Variants in AHNAK observed in about 807,000 individuals in gnomAD.
The protein encoded by AHNAK is neuroblast differentiation-associated protein AHNAK.
In AHNAK, 23 loss-of-function variants were observed where a neutral mutation model predicts 37.8. That is an observed-to-expected ratio of 0.61 (90% confidence interval 0.44 to 0.86). The LOEUF (loss-of-function observed/expected upper bound fraction) is 0.86. Among genes scored for constraint, AHNAK ranks in the 40% least tolerant of loss-of-function variants. The pLI is 0.00. For synonymous variants in AHNAK, 2,481 were observed against 2,636.3 expected, an observed-to-expected ratio of 0.94 and a Z score of 1.80; for missense variants, 7,411 against 7,319.4, an observed-to-expected ratio of 1.01 and a Z score of -0.46.
At position 62,523,408 on chromosome 11, in the gene AHNAK, T is replaced by G. The variant is rs968285653; in HGVS notation, c.11009A>C (p.Lys3670Thr). 1.2e-6 allele frequency: 2 copies of G among 1,613,086 alleles called. No individual in the cohort carries two copies. The highest frequency in any genetic ancestry group is 2.7e-5 in the African/African-American group (2 of 74,840). ...KMPEMNIKAP[K>T]ISMPDFDLNL... is the part of the protein sequence containing the mutation. ...CAGGTCAAAGTCAGGCATGGAGATC[T>G]TGGGGGCTTTGATGTTCATCTCAGG... Residue 3670 changes from lysine (K) to threonine (T), a missense_variant, in exon 5 of 5, where the codon AAG becomes ACG. Lys to Thr is a moderately conservative substitution (Grantham distance 78, BLOSUM62 -1). Coordinates refer to ENST00000378024, the MANE Select transcript of AHNAK (RefSeq NM_001620.3).
chr11:62,521,678 T>C lies in AHNAK; in HGVS notation c.12739A>G (p.Met4247Val), dbSNP rs1940249308. The change falls in exon 5 of 5, where the codon ATG becomes GTG. Residue 4247 changes from methionine to valine, a missense_variant. Transcript: ENST00000378024. The part of the protein sequence containing the change: ...DAKLKGPKFK[M>V]PEMNIKAPKI... ...GGGGCTTTGATGTTCATCTCAGGCA[T>C]CTTGAATTTAGGGCCCTTTAGTTTC... 2 of 1,613,904 alleles carry C rather than the reference T, an allele frequency of 1.2e-6. No homozygotes were observed. Among genetic ancestry groups the C allele is most frequent in the South Asian group, 1.1e-5 (1 of 91,074 alleles).
At chr11:62,512,262 T>A (rs1366725842), downstream of AHNAK, among the ~76,000 whole-genome samples, 1 of 152,198 alleles carries the variant, frequency 6.6e-6, no homozygotes, top group Non-Finnish European at 1.5e-5. The surrounding 1 kb of genome is among the most constrained non-coding windows in gnomAD (Gnocchi z 4.0). Context: ...TCCCGTGCCC[T>A]CCAGTGGAGA....
Position 62,519,468 on chromosome 11 carries a change from C to T in AHNAK, c.14949G>A (p.Gly4983=). The change falls in exon 5 of 5, where the codon GGG becomes GGA. Residue 4983 remains glycine (G), a synonymous_variant. Transcript: ENST00000378024. The part of the protein sequence containing the change: ...PKFKKPKFGF[G]AKSPKADIKS... ...TGATGTCAGCTTTGGGGCTTTTTGC[C>T]CCAAATCCAAACTTGGGTTTCTTAA... 6.2e-7 allele frequency: 1 copy of T among 1,612,580 alleles called. No homozygotes were observed. The highest frequency in any genetic ancestry group is 8.5e-7 in the Non-Finnish European group (1 of 1,179,586).
chr11:62,535,608 A>G (rs559524454), intron 3 of AHNAK, among the ~76,000 whole-genome samples: 1 of 151,574 alleles, frequency 6.6e-6, no homozygotes, highest in East Asian at 1.9e-4. Flanking sequence ...AGATAGCGCC[A>G]TTGCACTCCA....
intron 5 of AHNAK, among the ~76,000 whole-genome samples, chr11:62,435,413 T>C (rs1938140473): frequency 7.4e-6 from 1 of 135,436 alleles, no homozygotes; most frequent in African/African-American, 2.4e-5. Flanking sequence ...TATTTATTTA[T>C]CTTTTTTTTT....
chr11:62,459,403 T>C (rs1198726758), intron 5 of AHNAK, among the ~76,000 whole-genome samples: 2 of 152,124 alleles, frequency 1.3e-5, no homozygotes, highest in Admixed American at 6.6e-5. Context: ...CAGAGGGTCA[T>C]CCCTGGGGAC....
chr11:62,495,764 A>G (rs902415934), intron 4 of AHNAK, among the ~76,000 whole-genome samples: 1 of 150,838 alleles, frequency 6.6e-6, no homozygotes, highest in Non-Finnish European at 1.5e-5. Flanking sequence ...AATAGCAGTA[A>G]TATGCCAGGC....
At chr11:62,488,402 CTTT>C (rs11310515) in intron 5 of AHNAK, among the ~76,000 whole-genome samples, 1 of 143,900 alleles carries the variant, frequency 6.9e-6, no homozygotes. Context: ...ATCTGTCTAG[CTTT>C]TTTTTTTTTT....
rs146637325 is a variant in AHNAK at position 62,522,760 on chromosome 11, T to C, written c.11657A>G (p.Lys3886Arg). Residue 3886 changes from lysine (K) to arginine (R), a missense_variant, in exon 5 of 5, where the codon AAA becomes AGA. Coordinates refer to ENST00000378024, the MANE Select transcript of AHNAK (RefSeq NM_001620.3). The stretch of plus-strand genomic sequence containing the variant: ...AGACACATCCATATCACCCTTCACT[T>C]TGGGTCCTTTCAGGTTAAGATCAAT... ...PDIDLNLKGP[K>R]VKGDMDVSLP... The C allele has an allele frequency of 5.2e-5, 84 of 1,613,588 alleles. No homozygotes were observed. Among genetic ancestry groups the C allele is most frequent in the Non-Finnish European group, 6.9e-5 (82 of 1,179,906 alleles).
Position 62,533,513 on chromosome 11 carries a change from C to T in AHNAK, c.904G>A (p.Gly302Ser), listed in dbSNP as rs776433394. 1 of 1,614,152 alleles carries T rather than the reference C, an allele frequency of 6.2e-7. No individual in the cohort carries two copies. Among genetic ancestry groups the T allele is most frequent in the East Asian group, 2.2e-5 (1 of 44,880 alleles). The stretch of plus-strand genomic sequence containing the variant: ...TTCATGGTGGGAAATTTAATTTTGC[C>T]ATGATCACCACTCTCCAGAGATGGG... ...QGPSLESGDH[G>S]KIKFPTMKVP... Residue 302 changes from glycine to serine, a missense_variant, in exon 5 of 5, where the codon GGC (glycine) becomes AGC (serine). By Grantham distance (56) the Gly-to-Ser change is moderately conservative (BLOSUM62 0). Coordinates refer to ENST00000378024, the MANE Select transcript of AHNAK (RefSeq NM_001620.3).
intron 4 of AHNAK, chr11:62,491,950 C>T (rs1678754214): frequency 3.6e-6 from 3 of 844,882 alleles, no homozygotes; most frequent in South Asian, 3.4e-5. Flanking sequence ...CCACTACCAC[C>T]CCCCAACACA....
rs375729380 is a variant in AHNAK at position 62,517,284 on chromosome 11, C to A, written c.17133G>T (p.Lys5711Asn). ...EESEVKLKKS[K>N]IKMPKFNFSK... ...AAAAATTAAACTTGGGCATTTTGAT[C>A]TTGGACTTTTTCAGTTTGACTTCAG... Residue 5711 changes from lysine to asparagine, a missense_variant, in exon 5 of 5, where the codon AAG (lysine) becomes AAT (asparagine). Lys to Asn is a moderately conservative substitution (Grantham distance 94). Coordinates refer to ENST00000378024, the MANE Select transcript of AHNAK (RefSeq NM_001620.3). The A allele has an allele frequency of 1.8e-5, 29 of 1,614,078 alleles. No individual in the cohort carries two copies. In the African/African-American group the frequency reaches 3.5e-4, roughly 19 times the overall value.
At position 62,485,086 on chromosome 11, in the gene AHNAK, G is replaced by A. The variant is rs1012989747; in HGVS notation, c.442+6646C>T. Among the ~76,000 whole-genome samples the A allele has an allele frequency of 2.0e-5, 3 of 152,152 alleles. No homozygotes were observed. In the South Asian group the frequency reaches 6.2e-4, roughly 32 times the overall value. On this transcript the variant is annotated intron_variant, in intron 5 of 5. Transcript: ENST00000257247. ...TTACAGGCGTGAGCCACCGTGCCTGGCCTTTGACTTAGGTTTCAAAAAGAT... is the reference window on the plus strand; with the variant it reads ...TTACAGGCGTGAGCCACCGTGCCTGACCTTTGACTTAGGTTTCAAAAAGAT...
intron 4 of AHNAK, among the ~76,000 whole-genome samples, chr11:62,503,372 G>A (rs1939749313): frequency 6.6e-6 from 1 of 152,046 alleles, no homozygotes; most frequent in South Asian, 2.1e-4. Context: ...GGGGATCCTG[G>A]GTAAGGAGTT....
Position 62,527,859 on chromosome 11 carries a change from C to T in AHNAK, c.6558G>A (p.Met2186Ile), listed in dbSNP as rs767553311. ...CTTTCAAGTTTAAGTTCACATCAGGCATGGAGATCTTGGGGGTCTTGAAGT... is the reference window on the plus strand; with the variant it reads ...CTTTCAAGTTTAAGTTCACATCAGGTATGGAGATCTTGGGGGTCTTGAAGT... ...EMHFKTPKIS[M>I]PDVNLNLKGP... The change falls in exon 5 of 5, where the codon ATG becomes ATA. Residue 2186 changes from methionine to isoleucine, a missense_variant. By Grantham distance (10) the Met-to-Ile change is conservative. Coordinates refer to ENST00000378024, the MANE Select transcript of AHNAK (RefSeq NM_001620.3). 7 of 1,613,752 alleles carry T rather than the reference C, an allele frequency of 4.3e-6. No individual in the cohort carries two copies. The highest frequency in any genetic ancestry group is 5.9e-6 in the Non-Finnish European group (7 of 1,179,954).
chr11:62,452,026 A>C (rs1938549013), intron 5 of AHNAK, among the ~76,000 whole-genome samples: 1 of 151,456 alleles, frequency 6.6e-6, no homozygotes, highest in Non-Finnish European at 1.5e-5. Context: ...GTTAGCCAGG[A>C]TGGTCTCGAT....
Position 62,530,720 on chromosome 11 carries a change from C to T in AHNAK, c.3697G>A (p.Gly1233Arg). The T allele has an allele frequency of 6.2e-7, 1 of 1,613,848 alleles. No individual in the cohort carries two copies. The highest frequency in any genetic ancestry group is 8.5e-7 in the Non-Finnish European group (1 of 1,179,978). Residue 1233 changes from glycine to arginine, a missense_variant, in exon 5 of 5, where the codon GGA (glycine) becomes AGA (arginine). Physicochemically the swap from Gly to Arg is moderately radical, Grantham distance 125. Coordinates refer to ENST00000378024, the MANE Select transcript of AHNAK (RefSeq NM_001620.3). ...EMKVPDVEIK[G>R]PKMDIDAPDV... ...GGGGCATCAATGTCCATTTTGGGTCCTTTGATTTCAACATCTGGCACTTTC... is the reference window on the plus strand; with the variant it reads ...GGGGCATCAATGTCCATTTTGGGTCTTTTGATTTCAACATCTGGCACTTTC...
At chr11:62,451,781 T>C (rs1938544144) in intron 5 of AHNAK, among the ~76,000 whole-genome samples, 1 of 149,818 alleles carries the variant, frequency 6.7e-6, no homozygotes, top group African/African-American at 2.4e-5. Context: ...AGATGGCACT[T>C]CAGAGCTCGT....
intron 5 of AHNAK, among the ~76,000 whole-genome samples, chr11:62,474,855 C>T (rs1467550738): frequency 6.6e-6 from 1 of 152,128 alleles, no homozygotes. Flanking sequence ...ACCTTCAGGC[C>T]TCTGAAAAGC....
Sources: gnomAD v4.1 joint callset for allele counts (sites outside exome capture counted in the v4.1 genomes callset) on GRCh38, gnomAD v4.1.1 for gene constraint, Gnocchi (gnomAD v3.1) non-coding constraint, MANE v1.5 for transcripts, NCBI Gene and HGNC (gene_info 2026-07-23, HGNC 2026-07-21) for gene names.